Variants in FER observed in about 807,000 individuals in gnomAD.
The protein encoded by FER is tyrosine-protein kinase Fer.
FER carries 63 observed loss-of-function variants against 111.0 expected under a neutral mutation model. The observed-to-expected ratio is 0.57, with a 90% CI of 0.46 to 0.70. The LOEUF is 0.70. Among genes scored for constraint, FER ranks in the 30% least tolerant of loss-of-function variants. FER has a pLI of 0.00. For missense variants in FER, 914 were observed against 954.0 expected (o/e 0.96, Z 0.55); for synonymous variants, 327 against 313.9 (o/e 1.04, Z -0.44).
At chr5:109,088,538 G>T (rs3797842) in intron 16 of FER, among the ~76,000 whole-genome samples, 3 of 151,742 alleles carry the variant, frequency 2.0e-5, no homozygotes, top group Admixed American at 6.6e-5. Flanking sequence ...TGAGCATTGG[G>T]GTTGAGGTGA....
Position 109,180,768 on chromosome 5 carries a change from C to A in FER, c.2070C>A (p.Cys690Ter). The A allele has an allele frequency of 6.2e-7, 1 of 1,612,880 alleles. No homozygotes were observed. The highest frequency in any genetic ancestry group is 8.5e-7 in the Non-Finnish European group (1 of 1,179,386). ...CTAGGGACCTTGCTGCAAGAAACTGCCTGGTAGGTGAAAATAATGTTCTGA... is the reference window on the plus strand; with the variant it reads ...CTAGGGACCTTGCTGCAAGAAACTGACTGGTAGGTGAAAATAATGTTCTGA... ...CIHRDLAARN[C>*]LVGENNVLKI... Residue 690 changes from cysteine (C) to a stop codon, truncating the protein, a stop_gained, in exon 18 of 20, where the codon TGC (cysteine) becomes TGA (stop). Coordinates refer to ENST00000281092, the MANE Select transcript of FER (RefSeq NM_005246.4). LOFTEE classifies it high-confidence loss of function.
intron 8 of FER, among the ~76,000 whole-genome samples, chr5:108,880,839 G>A (rs1054903087): frequency 2.6e-5 from 4 of 151,936 alleles, no homozygotes; most frequent in Non-Finnish European, 5.9e-5. Context: ...TGCCGTCAGA[G>A]ACTTACTGAA....
intron 2 of FER, among the ~76,000 whole-genome samples, chr5:108,788,918 C>A (rs1432193590): frequency 2.0e-5 from 3 of 152,166 alleles, no homozygotes; most frequent in Non-Finnish European, 4.4e-5. Flanking sequence ...TTCACTAAAT[C>A]CATTCACTAG....
At chr5:108,955,762 G>A (rs73778332) in intron 12 of FER, among the ~76,000 whole-genome samples, 18,889 of 151,738 alleles carry the variant, frequency 0.12, 1,601 homozygotes, top group African/African-American at 0.24. Context: ...TTGCCTTACA[G>A]AAATTGAACC....
At chr5:108,926,861 T>A (rs970070682) in intron 10 of FER, among the ~76,000 whole-genome samples, 6 of 152,104 alleles carry the variant, frequency 3.9e-5, no homozygotes, top group Non-Finnish European at 7.4e-5. Flanking sequence ...TATTTATGAT[T>A]TTTTTTTCAG....
At chr5:108,807,010 A>T (rs1757278210) in intron 3 of FER, among the ~76,000 whole-genome samples, 1 of 152,146 alleles carries the variant, frequency 6.6e-6, no homozygotes, top group Admixed American at 6.5e-5. Flanking sequence ...ATTGAATTTT[A>T]ACTCCCACAA....
chr5:109,002,679 A>G (rs977760099), intron 13 of FER, among the ~76,000 whole-genome samples: 5 of 152,252 alleles, frequency 3.3e-5, no homozygotes, highest in Admixed American at 6.5e-5. Flanking sequence ...ATCAGAGTGA[A>G]CAGGCAACCT....
At chr5:109,163,893 C>T (rs57629398) in intron 17 of FER, among the ~76,000 whole-genome samples, 2,693 of 152,194 alleles carry the variant, frequency 0.018, 96 homozygotes, top group African/African-American at 0.062. Context: ...TAGACAATAA[C>T]TTCATGGCAG....
intron 16 of FER, among the ~76,000 whole-genome samples, chr5:109,056,892 T>A (rs1773723437): frequency 6.6e-6 from 1 of 152,214 alleles, no homozygotes; most frequent in South Asian, 2.1e-4. Context: ...GGTTTATTCT[T>A]CTTTTTCAGA....
At chr5:108,956,041 T>A (rs769742431) in intron 12 of FER, among the ~76,000 whole-genome samples, 12 of 151,738 alleles carry the variant, frequency 7.9e-5, no homozygotes, top group Non-Finnish European at 1.6e-4. Context: ...ATTTCCACTA[T>A]CATAATGTTC....
intron 3 of FER, among the ~76,000 whole-genome samples, chr5:108,798,701 A>G (rs1477653677): frequency 6.6e-6 from 1 of 152,164 alleles, no homozygotes; most frequent in Non-Finnish European, 1.5e-5. Flanking sequence ...TATGAAAATT[A>G]GCTGGGCGTG....
At chr5:109,087,650 G>GA (rs5870343) in intron 16 of FER, among the ~76,000 whole-genome samples, 150,657 of 150,692 alleles carry the variant, frequency 1, 75,311 homozygotes, top group Middle Eastern at 1. Flanking sequence ...ATCCTCATTG[G>GA]AAAAAAAGTT....
At chr5:109,093,643 A>G (rs1339327206) in intron 16 of FER, among the ~76,000 whole-genome samples, 4 of 152,134 alleles carry the variant, frequency 2.6e-5, no homozygotes, top group Non-Finnish European at 4.4e-5. Flanking sequence ...TTCAGAAAAT[A>G]TTGTTGACAT....
intron 17 of FER, among the ~76,000 whole-genome samples, chr5:109,137,516 G>C (rs1350449517): frequency 6.6e-6 from 1 of 152,186 alleles, no homozygotes; most frequent in East Asian, 1.9e-4. Flanking sequence ...GGCAAGACTG[G>C]CTTCCAATTG....
chr5:109,085,359 A>G lies in FER; in HGVS notation c.1925-15037A>G, dbSNP rs370471101. On this transcript the variant is annotated intron_variant, in intron 16 of 19. Transcript: ENST00000281092. ...TGTTTTTCTAATTTACTTTTCAAGTATTTTTTTCTGGCATATAGAGATATA... is the reference window on the plus strand; with the variant it reads ...TGTTTTTCTAATTTACTTTTCAAGTGTTTTTTTCTGGCATATAGAGATATA... 2.7e-5 allele frequency among the ~76,000 whole-genome samples: 4 copies of G among 150,850 alleles called. No individual in the cohort carries two copies. The East Asian group carries it at 7.8e-4, about 29-fold the overall frequency.
intron 13 of FER, among the ~76,000 whole-genome samples, chr5:109,024,456 T>C (rs1768379013): frequency 6.6e-6 from 1 of 152,112 alleles, no homozygotes; most frequent in African/African-American, 2.4e-5. Context: ...GGGAGCAAGA[T>C]CCTGATTCAC....
intron 17 of FER, among the ~76,000 whole-genome samples, chr5:109,154,106 C>T (rs539121230): frequency 2.0e-5 from 3 of 151,182 alleles, no homozygotes; most frequent in Admixed American, 6.6e-5. Flanking sequence ...GCTCGAAGAA[C>T]GGGTCCACCC....
At chr5:108,833,785 A>G (rs2150134771) in intron 4 of FER, among the ~76,000 whole-genome samples, 1 of 152,038 alleles carries the variant, frequency 6.6e-6, no homozygotes, top group South Asian at 2.1e-4. Flanking sequence ...GAGGCAGGAG[A>G]ATGGCGTGAA....
chr5:108,884,809 C>G (rs1314821081), intron 9 of FER, among the ~76,000 whole-genome samples: 1 of 152,018 alleles, frequency 6.6e-6, no homozygotes, highest in African/African-American at 2.4e-5. Context: ...ACTTAGTTTT[C>G]AAAGTCTGGC....
Sources: allele counts gnomAD v4.1 joint callset (sites outside exome capture counted in the v4.1 genomes callset), GRCh38; gene constraint gnomAD v4.1.1; transcripts MANE v1.5; gene names NCBI Gene and HGNC (gene_info 2026-07-23, HGNC 2026-07-21).